The following ARMC1 variants were observed in gnomAD, a reference collection of about 807,000 sequenced individuals.
ARMC1 encodes the protein armadillo repeat-containing protein 1.
A neutral mutation model predicts 31.4 loss-of-function variants in ARMC1; 16 were observed. The observed-to-expected ratio is 0.51, with a 90% CI of 0.34 to 0.77. The LOEUF is 0.77. Ranked by LOEUF, ARMC1 falls within the 30% of genes least tolerant of loss-of-function variation. The pLI is 0.01. For synonymous variants in ARMC1, 114 were observed against 118.9 expected (o/e 0.96, Z 0.27); for missense variants, 259 against 347.5 (o/e 0.75, Z 2.02).
At chr8:65,622,715 G>GAAA (rs10657870) in intron 2 of ARMC1, among the ~76,000 whole-genome samples, 55 of 148,538 alleles carry the variant, frequency 3.7e-4, no homozygotes, top group Non-Finnish European at 3.9e-4. Context: ...TGCCTCAAAA[G>GAAA]AAAAAAAAAA....
chr8:65,619,762 T>A (rs1045124444), intron 3 of ARMC1, among the ~76,000 whole-genome samples: 5 of 151,822 alleles, frequency 3.3e-5, no homozygotes, highest in Non-Finnish European at 5.9e-5. Context: ...GACGGGCGGA[T>A]CACCTGAGGT....
chr8:65,626,093 G>A (rs903015493), intron 2 of ARMC1, among the ~76,000 whole-genome samples: 9 of 151,986 alleles, frequency 5.9e-5, no homozygotes, highest in Admixed American at 6.6e-5. Context: ...GTTTCACTAC[G>A]TTGGCCAAGC....
chr8:65,614,262 T>C (rs1346168975), intron 3 of ARMC1, among the ~76,000 whole-genome samples: 2 of 152,214 alleles, frequency 1.3e-5, no homozygotes, highest in Non-Finnish European at 2.9e-5. Flanking sequence ...ACAAAAGTTT[T>C]CATTCTTAAG....
chr8:65,605,196 A>G, intron 6 of ARMC1, 67 bp downstream of exon 6: 4 of 1,340,220 alleles, frequency 3.0e-6, no homozygotes, highest in Non-Finnish European at 4.2e-6. Context: ...AAATACTGGC[A>G]ATCTGCTAGC....
chr8:65,630,817 TA>T (rs71930161), intron 1 of ARMC1, among the ~76,000 whole-genome samples: 12 of 148,352 alleles, frequency 8.1e-5, no homozygotes, highest in Non-Finnish European at 1.2e-4. Flanking sequence ...AGACTCCGTC[TA>T]AAAAAAAAAA....
intron 2 of ARMC1, among the ~76,000 whole-genome samples, chr8:65,623,940 G>T (rs1808457450): frequency 6.6e-6 from 1 of 151,060 alleles, no homozygotes; most frequent in African/African-American, 2.4e-5. Context: ...TGGGATTATA[G>T]GTGCCAGCCA....
intron 2 of ARMC1, among the ~76,000 whole-genome samples, chr8:65,626,042 C>G (rs1187038011): frequency 6.6e-6 from 1 of 152,020 alleles, no homozygotes; most frequent in African/African-American, 2.4e-5. Flanking sequence ...GCACCCACCA[C>G]CACGCCCGGC....
chr8:65,605,251 C>T lies in ARMC1; in HGVS notation c.657+12G>A, dbSNP rs3765205. The T allele has an allele frequency of 0.39, 616,741 of 1,595,760 alleles. 121,097 individuals carry two copies. Among genetic ancestry groups the T allele is most frequent in the East Asian group, 0.5 (22,396 of 44,760 alleles). ...TGAGTTGGATATAAAGAAAATTAAA[C>T]ACAACTTTTACCTCTTCTCCACTTT... On this transcript the variant is annotated intron_variant, in intron 6 of 6. Coordinates refer to ENST00000276569, the MANE Select transcript of ARMC1 (RefSeq NM_018120.6).
intron 3 of ARMC1, among the ~76,000 whole-genome samples, chr8:65,618,170 T>C (rs1808316124): frequency 6.6e-6 from 1 of 151,116 alleles, no homozygotes; most frequent in South Asian, 2.2e-4. Flanking sequence ...CGCCTCGGCC[T>C]CCCAAAATGC....
intron 2 of ARMC1, among the ~76,000 whole-genome samples, chr8:65,625,611 T>C (rs1808495344): frequency 6.6e-6 from 1 of 152,154 alleles, no homozygotes; most frequent in Non-Finnish European, 1.5e-5. Flanking sequence ...ATCAACCCCC[T>C]CTTTCTTCTC....
chr8:65,632,201 G>A (rs1034872251), intron 1 of ARMC1, among the ~76,000 whole-genome samples: 11 of 152,136 alleles, frequency 7.2e-5, no homozygotes, highest in Admixed American at 2.6e-4. Flanking sequence ...CACTTTGGGA[G>A]GCCCAGGGGG....
At chr8:65,627,733 G>A (rs569746924) in intron 1 of ARMC1, among the ~76,000 whole-genome samples, 5 of 152,282 alleles carry the variant, frequency 3.3e-5, no homozygotes, top group African/African-American at 1.2e-4. Context: ...GTTCAAGCTA[G>A]TAAGCTTTGC....
chr8:65,629,819 TCAAAA>T (rs1808601052), intron 1 of ARMC1, among the ~76,000 whole-genome samples: 1 of 111,740 alleles, frequency 8.9e-6, no homozygotes, highest in African/African-American at 3.5e-5. Context: ...AAAAAAAAAA[TCAAAA>T]CAAAACAGTA....
chr8:65,604,130 C>T lies in ARMC1; in HGVS notation c.*264G>A. The T allele has an allele frequency of 3.0e-6, 1 of 330,116 alleles. No homozygotes were observed. Among genetic ancestry groups the T allele is most frequent in the East Asian group, 5.6e-5 (1 of 18,010 alleles). 20.4% of individuals were successfully genotyped at this position (330,116 alleles called of 1,614,324 possible). On this transcript the variant is annotated 3_prime_UTR_variant, in exon 7 of 7. Coordinates refer to ENST00000276569, the MANE Select transcript of ARMC1 (RefSeq NM_018120.6). ...ACACATGTGGTTTTAACAGTGGACCCATGGTTTTTAAATATGAGGCAATTA... is the reference window on the plus strand; with the variant it reads ...ACACATGTGGTTTTAACAGTGGACCTATGGTTTTTAAATATGAGGCAATTA...
At chr8:65,609,253 C>T (rs1360439027) in intron 4 of ARMC1, among the ~76,000 whole-genome samples, 1 of 151,654 alleles carries the variant, frequency 6.6e-6, no homozygotes, top group Non-Finnish European at 1.5e-5. Context: ...CAGGCATGTG[C>T]CACCACACCT....
At chr8:65,619,717 C>G (rs940883479) in intron 3 of ARMC1, among the ~76,000 whole-genome samples, 1 of 151,900 alleles carries the variant, frequency 6.6e-6, no homozygotes, top group African/African-American at 2.4e-5. Flanking sequence ...GGCGCAGTGA[C>G]TCACGCCTGT....
chr8:65,607,285 T>C (rs1331306080), intron 4 of ARMC1, among the ~76,000 whole-genome samples: 2 of 152,248 alleles, frequency 1.3e-5, no homozygotes, highest in African/African-American at 2.4e-5. Context: ...ACCATGTTTA[T>C]CTCTTCCACA....
chr8:65,608,771 T>C (rs1223340253), intron 4 of ARMC1, among the ~76,000 whole-genome samples: 1 of 151,860 alleles, frequency 6.6e-6, no homozygotes, highest in Non-Finnish European at 1.5e-5. Flanking sequence ...TGGCCGGGCA[T>C]GGTGGTGGGC....
intron 2 of ARMC1, among the ~76,000 whole-genome samples, chr8:65,625,067 G>C (rs1221824871): frequency 6.6e-6 from 1 of 152,220 alleles, no homozygotes; most frequent in African/African-American, 2.4e-5. Flanking sequence ...GTTGCAGTGA[G>C]CCAAGATTGT....
Sources: allele counts gnomAD v4.1 joint callset (sites outside exome capture counted in the v4.1 genomes callset), GRCh38; gene constraint gnomAD v4.1.1; transcripts MANE v1.5; gene names NCBI Gene and HGNC (gene_info 2026-07-23, HGNC 2026-07-21).